The following ITFG1 variants were observed in gnomAD, a reference collection of about 807,000 sequenced individuals.
The protein encoded by ITFG1 is integrin alpha FG-GAP repeat containing 1.
In ITFG1, 34 loss-of-function variants were observed where a neutral mutation model predicts 81.8. That is an observed-to-expected ratio of 0.42 (90% CI 0.32 to 0.55). The LOEUF (loss-of-function observed/expected upper bound fraction) is 0.55, where lower values mean the gene tolerates loss of function less well. Among genes scored for constraint, ITFG1 ranks in the 20% least tolerant of loss-of-function variants. The pLI, the probability that ITFG1 is intolerant of heterozygous loss-of-function variation, is 0.17. For missense variants in ITFG1, 672 were observed against 755.4 expected (o/e 0.89, Z 1.29); for synonymous variants, 285 against 270.6 (o/e 1.05, Z -0.52).
At position 47,316,007 on chromosome 16, in the gene ITFG1, T is replaced by G. The variant is rs550683123; in HGVS notation, c.803-2184A>C. ...AGTTTCGCCATGTTGTCCAGGCTGG[T>G]CTCAAAATCCTGGCCTCAAGAGATC... On this transcript the variant is annotated intron_variant, in intron 8 of 17. Coordinates refer to ENST00000320640, the MANE Select transcript of ITFG1 (RefSeq NM_030790.5). Among the ~76,000 whole-genome samples, 9 of 152,134 alleles carry G rather than the reference T, an allele frequency of 5.9e-5. No homozygotes were observed. The South Asian group carries it at 1.9e-3, about 32-fold the overall frequency.
intron 15 of ITFG1, among the ~76,000 whole-genome samples, chr16:47,162,165 G>GC (rs1280217879): frequency 6.6e-6 from 1 of 151,780 alleles, no homozygotes; most frequent in Non-Finnish European, 1.5e-5. Flanking sequence ...AATAAACAAA[G>GC]CAAGTAAAAT....
At chr16:47,178,601 T>G (rs1965059117) in intron 14 of ITFG1, among the ~76,000 whole-genome samples, 1 of 152,166 alleles carries the variant, frequency 6.6e-6, no homozygotes, top group Non-Finnish European at 1.5e-5. Flanking sequence ...ACTTAAATGT[T>G]AGACCTAAAA....
chr16:47,394,555 T>C (rs2151596997), intron 6 of ITFG1, among the ~76,000 whole-genome samples: 1 of 152,210 alleles, frequency 6.6e-6, no homozygotes, highest in East Asian at 1.9e-4. Context: ...ATGTGGACTA[T>C]GTTTTCCTAG....
intron 6 of ITFG1, among the ~76,000 whole-genome samples, chr16:47,425,623 A>G (rs1295925050): frequency 4.8e-4 from 64 of 133,582 alleles, no homozygotes; most frequent in Non-Finnish European, 8.7e-4. Context: ...CAAGGTCTGC[A>G]CTCTTGTTAC....
chr16:47,238,915 T>C (rs1243087155), intron 12 of ITFG1, among the ~76,000 whole-genome samples: 1 of 152,206 alleles, frequency 6.6e-6, no homozygotes, highest in African/African-American at 2.4e-5. Context: ...AATTCATGTC[T>C]TGGAACCTAA....
chr16:47,255,914 T>A (rs1281246766), intron 12 of ITFG1, among the ~76,000 whole-genome samples: 1 of 152,184 alleles, frequency 6.6e-6, no homozygotes, highest in African/African-American at 2.4e-5. Context: ...AAAAATACGC[T>A]GCTTTTCACC....
At position 47,217,188 on chromosome 16, in the gene ITFG1, T is replaced by C. The variant is rs1273722349; in HGVS notation, c.1453+1680A>G. On this transcript the variant is annotated intron_variant, in intron 14 of 17. Transcript: ENST00000320640. ...AGTATTTTAAAAACTGATGCACTGC[T>C]ATAACAATTAAGAGATTTTCCCATT... is the stretch of plus-strand genomic sequence containing the variant. Among the ~76,000 whole-genome samples, 6 of 152,316 alleles carry C rather than the reference T, an allele frequency of 3.9e-5. No individual in the cohort carries two copies. In the East Asian group the frequency reaches 1.2e-3, roughly 29 times the overall value.
intron 14 of ITFG1, chr16:47,202,573 G>C (rs936684858): frequency 6.6e-6 from 1 of 151,074 alleles, no homozygotes; most frequent in African/African-American, 2.4e-5. Context: ...AAAGGCTGCT[G>C]TGCAGGTGTA....
At chr16:47,295,730 T>C (rs1966971863) in intron 10 of ITFG1, among the ~76,000 whole-genome samples, 1 of 152,196 alleles carries the variant, frequency 6.6e-6, no homozygotes, top group Non-Finnish European at 1.5e-5. Context: ...TTTATCAATT[T>C]TGTTTACATT....
intron 1 of ITFG1, 28 bp downstream of exon 1, chr16:47,460,810 A>AC: frequency 6.2e-7 from 1 of 1,609,484 alleles, no homozygotes; most frequent in Non-Finnish European, 8.5e-7. Flanking sequence ...CGGACAGCGA[A>AC]CAGAGGGAGG....
intron 8 of ITFG1, among the ~76,000 whole-genome samples, chr16:47,326,931 A>T (rs1056489965): frequency 2.6e-5 from 4 of 152,188 alleles, no homozygotes; most frequent in Non-Finnish European, 5.9e-5. Flanking sequence ...TGCCATCCCC[A>T]TCAAGCTACC....
chr16:47,324,970 G>A (rs981721595), intron 8 of ITFG1, among the ~76,000 whole-genome samples: 17 of 152,222 alleles, frequency 1.1e-4, no homozygotes, highest in African/African-American at 4.1e-4. Context: ...ACTCAGCTCT[G>A]CACCAAGCGG....
chr16:47,348,729 G>C (rs1260606600), intron 8 of ITFG1, among the ~76,000 whole-genome samples: 2 of 152,102 alleles, frequency 1.3e-5, no homozygotes, highest in African/African-American at 2.4e-5. Flanking sequence ...GATACTCCTT[G>C]AGAACAGCAA....
intron 10 of ITFG1, chr16:47,299,841 T>A (rs2151559016): frequency 6.6e-6 from 1 of 152,362 alleles, no homozygotes; most frequent in Middle Eastern, 3.4e-3. Context: ...CCCAGCCCAA[T>A]TCCAGGATGG....
chr16:47,316,304 A>T (rs1967357186), intron 8 of ITFG1, among the ~76,000 whole-genome samples: 4 of 152,198 alleles, frequency 2.6e-5, no homozygotes, highest in Admixed American at 2.6e-4. Flanking sequence ...AACATCTGTT[A>T]AGCCTTTAAC....
At chr16:47,299,085 G>A (rs937796429) in intron 10 of ITFG1, among the ~76,000 whole-genome samples, 3 of 152,070 alleles carry the variant, frequency 2.0e-5, no homozygotes, top group African/African-American at 7.2e-5. Context: ...GGGAGTGAAG[G>A]GCGGTACCAG....
At chr16:47,315,327 A>T (rs2151566175) in intron 8 of ITFG1, among the ~76,000 whole-genome samples, 1 of 152,200 alleles carries the variant, frequency 6.6e-6, no homozygotes, top group South Asian at 2.1e-4. Context: ...AAAAAAAAAA[A>T]AGTTTGAGAG....
At chr16:47,345,093 T>C (rs376158590) in intron 8 of ITFG1, among the ~76,000 whole-genome samples, 6 of 152,274 alleles carry the variant, frequency 3.9e-5, no homozygotes, top group Middle Eastern at 6.8e-3. Flanking sequence ...ATAATTACTA[T>C]AGTGTTTAGC....
At chr16:47,256,179 G>A (rs1348970109) in intron 12 of ITFG1, among the ~76,000 whole-genome samples, 2 of 152,032 alleles carry the variant, frequency 1.3e-5, no homozygotes, top group Admixed American at 1.3e-4. Flanking sequence ...TGGCTGGTCT[G>A]GTCTTCAACT....
Sources: allele counts gnomAD v4.1 joint callset (sites outside exome capture counted in the v4.1 genomes callset), GRCh38; gene constraint gnomAD v4.1.1; transcripts MANE v1.5; gene names NCBI Gene and HGNC (gene_info 2026-07-23, HGNC 2026-07-21).